HMCN1: variants seen among roughly 807,000 people sequenced by gnomAD.
HMCN1 encodes the protein hemicentin 1.
HMCN1 carries 321 observed loss-of-function variants against 625.9 expected under a neutral mutation model. That is an observed-to-expected ratio of 0.51 (90% CI 0.47 to 0.56). HMCN1 has a LOEUF of 0.56. Among genes scored for constraint, HMCN1 ranks in the 20% least tolerant of loss-of-function variants. HMCN1 has a pLI of 0.00. For synonymous variants in HMCN1, 2,425 were observed against 2,417.6 expected, an observed-to-expected ratio of 1.00 and a Z score of -0.09; for missense variants, 6,588 against 6,887.3, an observed-to-expected ratio of 0.96 and a Z score of 1.54.
rs776416150 is a variant in HMCN1 at position 186,076,450 on chromosome 1, C to G, written c.8313C>G (p.Leu2771=). 4.6e-5 allele frequency: 75 copies of G among 1,613,426 alleles called. 1 individual carries two copies. The highest frequency in any genetic ancestry group is 5.9e-5 in the Non-Finnish European group (70 of 1,179,742). Reference sequence around the variant, plus strand: ...TAGTTCCTCCAAGTTTTCAGAAACTCTGGGAAATAGGAAACATGCTAGATA... The same window carrying G: ...TAGTTCCTCCAAGTTTTCAGAAACTGTGGGAAATAGGAAACATGCTAGATA... ...NIQVPPSFQK[L]WEIGNMLDTG... Residue 2771 remains leucine (L), a synonymous_variant, in exon 54 of 107, where the codon CTC becomes CTG. Coordinates refer to ENST00000271588, the MANE Select transcript of HMCN1 (RefSeq NM_031935.3).
intron 19 of HMCN1, among the ~76,000 whole-genome samples, chr1:185,986,826 CAAA>C (rs1239432106): frequency 8.3e-5 from 5 of 60,300 alleles, no homozygotes; most frequent in African/African-American, 9.4e-5. Context: ...GACCCTGTCT[CAAA>C]AAAAAAAAAA....
At chr1:185,864,404 G>C in intron 2 of HMCN1, 66 bp from the exon 3 acceptor site, 1 of 1,536,544 alleles carries the variant, frequency 6.5e-7, no homozygotes, top group Non-Finnish European at 9.0e-7. Flanking sequence ...AAAGCACCTT[G>C]TTATAACCAA....
chr1:185,862,651 G>C (rs751636911), intron 2 of HMCN1, among the ~76,000 whole-genome samples: 71 of 152,168 alleles, frequency 4.7e-4, no homozygotes, highest in Non-Finnish European at 9.3e-4. Flanking sequence ...TATACTAGTT[G>C]TTGAGAGCGG....
intron 41 of HMCN1, 143 bp from the exon 42 acceptor site, chr1:186,048,600 G>A: frequency 3.1e-6 from 2 of 652,592 alleles, no homozygotes. Flanking sequence ...TGGGTATATA[G>A]CCATTTATAT....
At chr1:185,866,222 C>T (rs889103866) in intron 4 of HMCN1, among the ~76,000 whole-genome samples, 23 of 151,502 alleles carry the variant, frequency 1.5e-4, no homozygotes, top group African/African-American at 4.1e-4. Flanking sequence ...AAGTAGAATG[C>T]GAAAAAGTTA....
At chr1:185,848,136 G>A (rs971977682) in intron 2 of HMCN1, among the ~76,000 whole-genome samples, 6 of 151,576 alleles carry the variant, frequency 4.0e-5, no homozygotes, top group Non-Finnish European at 5.9e-5. Flanking sequence ...TTCCCTCAAT[G>A]CCAACCGCAT....
chr1:186,162,727 G>A (rs1019083032), intron 97 of HMCN1, among the ~76,000 whole-genome samples: 11 of 152,156 alleles, frequency 7.2e-5, no homozygotes, highest in Non-Finnish European at 1.6e-4. Context: ...GCAGAACAGG[G>A]GTTTTTCGTG....
At position 186,045,101 on chromosome 1, in the gene HMCN1, T is replaced by C. The variant is rs147141046; in HGVS notation, c.6305-587T>C. 1.2e-3 allele frequency among the ~76,000 whole-genome samples: 179 copies of C among 152,268 alleles called. 3 individuals carry two copies. In the East Asian group the frequency reaches 0.032, roughly 27 times the overall value. Reference sequence around the variant, plus strand: ...TGTTCTTTAGAAAGTTGACAAAGCATCATGGAAAACCAAAAAGAACACTAA... The same window carrying C: ...TGTTCTTTAGAAAGTTGACAAAGCACCATGGAAAACCAAAAAGAACACTAA... On this transcript the variant is annotated intron_variant, in intron 40 of 106. Transcript: ENST00000271588.
intron 103 of HMCN1, 33 bp from the exon 104 acceptor site, chr1:186,178,379 CTTTT>C (rs146846253): frequency 8.4e-6 from 12 of 1,423,768 alleles, no homozygotes; most frequent in Admixed American, 1.7e-5. Flanking sequence ...ATGTATGTGT[CTTTT>C]TTTTTCTTTT....
chr1:186,002,950 C>T (rs1429566173), intron 28 of HMCN1, among the ~76,000 whole-genome samples: 1 of 152,076 alleles, frequency 6.6e-6, no homozygotes, highest in African/African-American at 2.4e-5. Flanking sequence ...TCTTTTCATC[C>T]TTCTGTGAAA....
chr1:186,018,820 AC>A (rs1654535617), intron 34 of HMCN1, among the ~76,000 whole-genome samples: 1 of 152,060 alleles, frequency 6.6e-6, no homozygotes, highest in Non-Finnish European at 1.5e-5. Flanking sequence ...GGACATAAGT[AC>A]ATTCACAAAA....
intron 47 of HMCN1, 30 bp downstream of exon 47, chr1:186,061,994 A>C: frequency 7.3e-7 from 1 of 1,361,324 alleles, no homozygotes. Context: ...TATCTAGAAG[A>C]AACTTAAATT....
Position 186,006,977 on chromosome 1 carries a change from C to CTTTTATTCTTGGAG in HMCN1, c.4476-149_4476-136dup. On this transcript the variant is annotated intron_variant, in intron 29 of 106. Transcript: ENST00000271588. Reference sequence around the variant, plus strand: ...CTTCTGTTAGCAAAGTGGTTTAAAACTTTTATTCTTGGAGTGCTAATCATA... The same window carrying CTTTTATTCTTGGAG: ...CTTCTGTTAGCAAAGTGGTTTAAAACTTTTATTCTTGGAGTTTTATTCTTGGAGTGCTAATCATA... 4 of 623,228 alleles carry CTTTTATTCTTGGAG rather than the reference C, an allele frequency of 6.4e-6. No individual in the cohort carries two copies. The South Asian group carries it at 8.4e-5, about 13-fold the overall frequency. The allele number at this position is 623,228 out of a possible 1,614,324, so 38.6% of individuals were successfully genotyped here.
At chr1:185,826,499 T>A (rs1660519622) in intron 1 of HMCN1, among the ~76,000 whole-genome samples, 1 of 152,096 alleles carries the variant, frequency 6.6e-6, no homozygotes, top group Non-Finnish European at 1.5e-5. Context: ...AGACAGCCAT[T>A]TATGAAGATG....
intron 1 of HMCN1, among the ~76,000 whole-genome samples, chr1:185,791,737 C>T (rs150240495): frequency 2.6e-5 from 4 of 152,082 alleles, no homozygotes; most frequent in Non-Finnish European, 4.4e-5. Flanking sequence ...AACAAACAAA[C>T]AAACAAACAG....
chr1:186,145,991 A>G (rs1650294840), intron 93 of HMCN1, 68 bp downstream of exon 93: 1 of 1,520,610 alleles, frequency 6.6e-7, no homozygotes, highest in African/African-American at 1.4e-5. Context: ...AAGGTGCCAC[A>G]AATTACAAAA....
intron 4 of HMCN1, among the ~76,000 whole-genome samples, chr1:185,900,186 A>C (rs1346462955): frequency 1.3e-5 from 2 of 151,866 alleles, no homozygotes; most frequent in Non-Finnish European, 2.9e-5. Flanking sequence ...TTTACTTCCA[A>C]AATTTGGATT....
chr1:186,156,154 A>T (rs1196242058), intron 97 of HMCN1, among the ~76,000 whole-genome samples: 2 of 152,128 alleles, frequency 1.3e-5, no homozygotes, highest in Non-Finnish European at 2.9e-5. Flanking sequence ...TATATTTTAC[A>T]AATGAATCAG....
At chr1:185,739,722 A>C (rs1024350075) in intron 1 of HMCN1, among the ~76,000 whole-genome samples, 2 of 152,128 alleles carry the variant, frequency 1.3e-5, no homozygotes, top group African/African-American at 4.8e-5. Flanking sequence ...CTTACATTCT[A>C]TTGCAGGGGT....
Sources: gnomAD v4.1 joint callset for allele counts (sites outside exome capture counted in the v4.1 genomes callset) on GRCh38, gnomAD v4.1.1 for gene constraint, MANE v1.5 for transcripts, NCBI Gene and HGNC (gene_info 2026-07-23, HGNC 2026-07-21) for gene names.